RFXAP: variants seen among roughly 807,000 people sequenced by gnomAD.
The protein encoded by RFXAP is regulatory factor X-associated protein.
RFXAP carries 21 observed loss-of-function variants against 25.7 expected under a neutral mutation model. That is an observed-to-expected ratio of 0.82 (90% CI 0.58 to 1.18). RFXAP has a LOEUF of 1.18. Ranked by LOEUF, RFXAP falls within the 50% of genes most tolerant of loss-of-function variation. The pLI is 0.00. For synonymous variants in RFXAP, 161 were observed against 152.2 expected, an observed-to-expected ratio of 1.06 and a Z score of -0.43; for missense variants, 333 against 363.0, an observed-to-expected ratio of 0.92 and a Z score of 0.67.
In RFXAP at chr13:36,819,629, A is replaced by G; in HGVS notation, c.272A>G (p.Asp91Gly). ...GAGGAGGCTGGGGAGGACGAGGCGG[A>G]CCTGTTAGACACTTCGGACCCTCCG... ...GEEEAGEDEA[D>G]LLDTSDPPGG... Residue 91 changes from aspartate (D) to glycine (G), a missense_variant, in exon 1 of 3, where the codon GAC (aspartate) becomes GGC (glycine). By Grantham distance (94) the Asp-to-Gly change is moderately conservative (BLOSUM62 -1). Transcript: ENST00000255476. 1 of 1,543,150 alleles carries G rather than the reference A, an allele frequency of 6.5e-7. No homozygotes were observed. Among genetic ancestry groups the G allele is most frequent in the South Asian group, 1.2e-5 (1 of 83,548 alleles).
At position 36,825,461 on chromosome 13, in the gene RFXAP, C is replaced by A. The variant is rs1275835656; in HGVS notation, c.634C>A (p.Gln212Lys). The A allele has an allele frequency of 6.2e-7, 1 of 1,612,878 alleles. No individual in the cohort carries two copies. The highest frequency in any genetic ancestry group is 1.7e-5 in the Admixed American group (1 of 59,994). Residue 212 changes from glutamine to lysine, a missense_variant, in exon 2 of 3, where the codon CAA becomes AAA. By Grantham distance (53) the Gln-to-Lys change is moderately conservative (BLOSUM62 1). Coordinates refer to ENST00000255476, the MANE Select transcript of RFXAP (RefSeq NM_000538.4). ...AGATAACATACTCTCCATTGTTAAA[C>A]AAAGAACAGGATCTTTTGGGGATCG... ...SADNILSIVK[Q>K]RTGSFGDRPA...
chr13:36,825,088 A>G (rs1328530625), intron 1 of RFXAP, among the ~76,000 whole-genome samples: 1 of 152,174 alleles, frequency 6.6e-6, no homozygotes, highest in African/African-American at 2.4e-5. Flanking sequence ...GTAATATTGA[A>G]AATAGCTCAC....
intron 2 of RFXAP, among the ~76,000 whole-genome samples, chr13:36,827,201 A>C (rs2057980960): frequency 6.6e-6 from 1 of 152,158 alleles, no homozygotes; most frequent in Non-Finnish European, 1.5e-5. Flanking sequence ...TAGTTGCCTA[A>C]TGAGAAACTT....
chr13:36,823,660 T>TA (rs1237976899), intron 1 of RFXAP, among the ~76,000 whole-genome samples: 3 of 152,058 alleles, frequency 2.0e-5, no homozygotes, highest in African/African-American at 7.2e-5. Flanking sequence ...TTTATTAAGG[T>TA]AAAAAAATTA....
At position 36,827,750 on chromosome 13, in the gene RFXAP, G is replaced by A; in HGVS notation, c.816G>A (p.Met272Ile). The stretch of plus-strand genomic sequence containing the variant: ...AACAGCAGTTTCCAGGAACATCAAT[G>A]TGAGGGAACTTACCAAGAACATCTA... Reference protein sequence around the residue: ...QRQQQFPGTSM With the variant: ...QRQQQFPGTSI Residue 272 changes from methionine (M) to isoleucine (I), a missense_variant, in exon 3 of 3, where the codon ATG (methionine) becomes ATA (isoleucine). Coordinates refer to ENST00000255476, the MANE Select transcript of RFXAP (RefSeq NM_000538.4). The A allele has an allele frequency of 6.2e-7, 1 of 1,608,494 alleles. No individual in the cohort carries two copies. The highest frequency in any genetic ancestry group is 8.5e-7 in the Non-Finnish European group (1 of 1,176,664).
chr13:36,824,434 G>A (rs2057971853), intron 1 of RFXAP, among the ~76,000 whole-genome samples: 1 of 152,108 alleles, frequency 6.6e-6, no homozygotes, highest in Admixed American at 6.5e-5. Context: ...AAGAAATTAA[G>A]GGGATATTCT....
rs1396283900 is a variant in RFXAP, at chr13:36,819,612, TG to T, written c.259del (p.Glu87ArgfsTer7). 8.4e-6 allele frequency: 13 copies of T among 1,539,430 alleles called. No individual in the cohort carries two copies. Among genetic ancestry groups the T allele is most frequent in the Non-Finnish European group, 1.1e-5 (13 of 1,139,560 alleles). On this transcript the variant is annotated frameshift_variant, in exon 1 of 3. Transcript: ENST00000255476. LOFTEE classifies it high-confidence loss of function. ...EGAGDGEEEA[G>X]EDEADLLDTS... ...GGGCCGGGGATGGCGAAGAGGAGGC[TG>T]GGGAGGACGAGGCGGACCTGTTAGA...
chr13:36,824,712 G>T (rs1483930942), intron 1 of RFXAP, among the ~76,000 whole-genome samples: 1 of 152,008 alleles, frequency 6.6e-6, no homozygotes, highest in Non-Finnish European at 1.5e-5. Context: ...GGTAACTGGG[G>T]GTACATATTT....
chr13:36,825,667 A>C, intron 2 of RFXAP, 132 bp downstream of exon 2: 1 of 566,038 alleles, frequency 1.8e-6, no homozygotes, highest in Non-Finnish European at 3.0e-6. Flanking sequence ...AATAAGTCAA[A>C]ATTTTAAAAA....
rs781260288 is a variant in RFXAP, at chr13:36,825,584, T to C, written c.708+49T>C. 9 of 1,345,100 alleles carry C rather than the reference T, an allele frequency of 6.7e-6. No homozygotes were observed. In the Admixed American group the frequency reaches 1.4e-4, roughly 20 times the overall value. The allele number at this position is 1,345,100 out of a possible 1,614,324, so 83.3% of individuals were successfully genotyped here. On this transcript the variant is annotated intron_variant, in intron 2 of 2. Transcript: ENST00000255476. Reference sequence around the variant, plus strand: ...TTATAAATGTGTTAACAAACGTTTGTTATAAATGGAACAATTGAGATTTTT... The same window carrying C: ...TTATAAATGTGTTAACAAACGTTTGCTATAAATGGAACAATTGAGATTTTT...
intron 1 of RFXAP, among the ~76,000 whole-genome samples, chr13:36,824,115 A>C (rs1355253712): frequency 6.6e-6 from 1 of 152,178 alleles, no homozygotes; most frequent in Non-Finnish European, 1.5e-5. Flanking sequence ...GGTTATTTTC[A>C]CTACAAGCTT....
Position 36,819,961 on chromosome 13 carries a change from T to A in RFXAP, c.600+4T>A. ...CGCGGGAAACGTCAAACTCGAGGTA[T>A]CAGACTTAGCTGAGGCCTGGGGATG... On this transcript the variant is annotated splice_donor_region_variant and intron_variant, in intron 1 of 2. Coordinates refer to ENST00000255476, the MANE Select transcript of RFXAP (RefSeq NM_000538.4). The A allele has an allele frequency of 6.2e-7, 1 of 1,613,574 alleles. No homozygotes were observed. Among genetic ancestry groups the A allele is most frequent in the Non-Finnish European group, 8.5e-7 (1 of 1,179,852 alleles).
intron 1 of RFXAP, among the ~76,000 whole-genome samples, 191 bp from the exon 2 acceptor site, chr13:36,825,237 G>A (rs1014397602): frequency 2.0e-5 from 3 of 152,262 alleles, no homozygotes; most frequent in Non-Finnish European, 4.4e-5. Context: ...AGGGAGCGAG[G>A]AGGAATGTTA....
rs763202512 is a variant in RFXAP, at chr13:36,819,475, G to GCGGCCT, written c.120_125dup (p.Ala41_Ser42dup). 652 of 1,518,874 alleles carry GCGGCCT rather than the reference G, an allele frequency of 4.3e-4. No individual in the cohort carries two copies. Among genetic ancestry groups the GCGGCCT allele is most frequent in the Middle Eastern group, 5.2e-4 (3 of 5,812 alleles). The allele number at this position is 1,518,874 out of a possible 1,614,324, so 94.1% of individuals were successfully genotyped here. ...CTTGGCGCCAGCCTCGGTGGCGGCC[G>GCGGCCT]CGGCCTCTCAATTCACCCTGCTAGT... On this transcript the variant is annotated inframe_insertion, in exon 1 of 3. Transcript: ENST00000255476.
At position 36,824,910 on chromosome 13, in the gene RFXAP, T is replaced by C. The variant is rs567763270; in HGVS notation, c.601-518T>C. On this transcript the variant is annotated intron_variant, in intron 1 of 2. Coordinates refer to ENST00000255476, the MANE Select transcript of RFXAP (RefSeq NM_000538.4). Reference sequence around the variant, plus strand: ...GCTTCTTTAAACAATATTTTACTACTCCCCCATTTGTTTTGGTTGCCAACT... The same window carrying C: ...GCTTCTTTAAACAATATTTTACTACCCCCCCATTTGTTTTGGTTGCCAACT... 2.3e-4 allele frequency among the ~76,000 whole-genome samples: 35 copies of C among 152,290 alleles called. No homozygotes were observed. In the Middle Eastern group the frequency reaches 0.02, roughly 89 times the overall value.
At position 36,819,357 on chromosome 13, in the gene RFXAP, C is replaced by G. The variant is rs199838316; in HGVS notation, c.-1C>G. On this transcript the variant is annotated 5_prime_UTR_variant, in exon 1 of 3. Transcript: ENST00000255476. Reference sequence around the variant, plus strand: ...GTGGACCCCGGCCAGGTCTTAGCAGCATGGAGGCGCAGGGTGTAGCGGAGG... The same window carrying G: ...GTGGACCCCGGCCAGGTCTTAGCAGGATGGAGGCGCAGGGTGTAGCGGAGG... 1.0e-5 allele frequency: 13 copies of G among 1,266,570 alleles called. 1 individual carries two copies. In the Middle Eastern group the frequency reaches 1.5e-3, roughly 147 times the overall value. 78.5% of individuals were successfully genotyped at this position (1,266,570 alleles called of 1,614,324 possible).
intron 1 of RFXAP, among the ~76,000 whole-genome samples, chr13:36,823,751 C>T (rs1293515267): frequency 2.6e-5 from 4 of 152,030 alleles, no homozygotes; most frequent in South Asian, 2.1e-4. Context: ...ATGTCTACTC[C>T]ACCAATCTAA....
At chr13:36,824,259 A>G (rs2057971548) in intron 1 of RFXAP, among the ~76,000 whole-genome samples, 1 of 152,178 alleles carries the variant, frequency 6.6e-6, no homozygotes, top group Admixed American at 6.5e-5. Context: ...AAATGAAAGA[A>G]TCTCATAAAT....
chr13:36,822,283 G>A (rs1450879357), intron 1 of RFXAP, among the ~76,000 whole-genome samples: 1 of 151,774 alleles, frequency 6.6e-6, no homozygotes, highest in Non-Finnish European at 1.5e-5. Context: ...TAGAGACGCG[G>A]TTTTGCCATG....
Sources: allele counts gnomAD v4.1 joint callset (sites outside exome capture counted in the v4.1 genomes callset), GRCh38; gene constraint gnomAD v4.1.1; transcripts MANE v1.5; gene names NCBI Gene and HGNC (gene_info 2026-07-23, HGNC 2026-07-21).